OPCML: variants seen among roughly 807,000 people sequenced by gnomAD.
OPCML encodes opioid binding protein/cell adhesion molecule like, also known as opioid-binding protein/cell adhesion molecule.
Under a neutral mutation model 37.8 loss-of-function variants are expected in OPCML, and 13 were observed. The ratio of observed to expected loss-of-function variants is 0.34; its 90% CI spans 0.22 to 0.55. The LOEUF is 0.55. OPCML is among the 20% of genes least tolerant of loss of function. OPCML has a pLI of 0.91. For synonymous variants in OPCML, 176 were observed against 168.8 expected (o/e 1.04, Z -0.33); for missense variants, 341 against 435.6 (o/e 0.78, Z 1.93).
At chr11:133,464,816 G>T (rs1240929566) in intron 1 of OPCML, among the ~76,000 whole-genome samples, 1 of 152,166 alleles carries the variant, frequency 6.6e-6, no homozygotes, top group East Asian at 1.9e-4. Flanking sequence ...GGAGGCTGCT[G>T]GGTCTGAGAG....
At chr11:133,241,329 C>T (rs559960545) in intron 1 of OPCML, among the ~76,000 whole-genome samples, 1 of 152,274 alleles carries the variant, frequency 6.6e-6, no homozygotes, top group East Asian at 1.9e-4. Context: ...GAATTATTCC[C>T]GAAAAATGAA....
chr11:132,477,387 C>G (rs2508986), intron 4 of OPCML, among the ~76,000 whole-genome samples: 79,912 of 152,052 alleles, frequency 0.53, 21,612 homozygotes, highest in East Asian at 0.85. Context: ...CAGACTGAGA[C>G]AGGTAGTAGC....
At chr11:132,685,358 G>C (rs922017501) in intron 2 of OPCML, among the ~76,000 whole-genome samples, 1 of 152,150 alleles carries the variant, frequency 6.6e-6, no homozygotes, top group South Asian at 2.1e-4. Context: ...TTGGCTCCCT[G>C]AGTTCTTTGG....
At chr11:132,977,418 C>T (rs1429473676) in intron 1 of OPCML, among the ~76,000 whole-genome samples, 1 of 152,220 alleles carries the variant, frequency 6.6e-6, no homozygotes, top group African/African-American at 2.4e-5. Flanking sequence ...GAATCTGGAA[C>T]TGGGCCAGCT....
intron 1 of OPCML, among the ~76,000 whole-genome samples, chr11:133,503,458 C>T (rs1947960092): frequency 6.6e-6 from 1 of 152,196 alleles, no homozygotes; most frequent in Non-Finnish European, 1.5e-5. Context: ...CTGTAAACAG[C>T]CAAACGCAGC....
At chr11:133,406,890 G>A (rs1046554535) in intron 1 of OPCML, among the ~76,000 whole-genome samples, 9 of 152,176 alleles carry the variant, frequency 5.9e-5, no homozygotes, top group Non-Finnish European at 1.3e-4. Context: ...AGAGTAGTGT[G>A]GAGGTTAATT....
intron 1 of OPCML, among the ~76,000 whole-genome samples, chr11:133,445,991 G>T (rs1025032130): frequency 2.6e-5 from 4 of 152,088 alleles, no homozygotes; most frequent in African/African-American, 9.7e-5. Context: ...CTAAAAGGGG[G>T]TCAAAAATAT....
intron 1 of OPCML, among the ~76,000 whole-genome samples, chr11:132,998,333 G>A (rs548976495): frequency 6.6e-6 from 1 of 152,314 alleles, no homozygotes; most frequent in African/African-American, 2.4e-5. Flanking sequence ...ATGAGGCAAA[G>A]GGGCACTTTC....
At chr11:132,742,286 G>T (rs1945458088) in intron 2 of OPCML, among the ~76,000 whole-genome samples, 1 of 152,202 alleles carries the variant, frequency 6.6e-6, no homozygotes, top group African/African-American at 2.4e-5. Context: ...AAGCACCAAT[G>T]AGATGGCTTT....
intron 2 of OPCML, among the ~76,000 whole-genome samples, chr11:132,717,569 T>A (rs1363828370): frequency 1.3e-5 from 2 of 152,186 alleles, no homozygotes. Flanking sequence ...TTATTAGAAA[T>A]GTTTGGTTTC....
chr11:132,539,189 T>A (rs2096349101), intron 3 of OPCML, among the ~76,000 whole-genome samples: 1 of 152,196 alleles, frequency 6.6e-6, no homozygotes, highest in East Asian at 1.9e-4. Context: ...AGAATCTATG[T>A]GTGATTTCAC....
intron 4 of OPCML, among the ~76,000 whole-genome samples, chr11:132,444,054 C>A (rs1001422117): frequency 7.9e-5 from 12 of 152,128 alleles, no homozygotes; most frequent in African/African-American, 2.9e-4. Flanking sequence ...TCAAAGTGGA[C>A]CCGAGAGTAT....
At chr11:132,694,066 C>T (rs1299047272) in intron 2 of OPCML, among the ~76,000 whole-genome samples, 1 of 151,606 alleles carries the variant, frequency 6.6e-6, no homozygotes, top group African/African-American at 2.4e-5. Flanking sequence ...TCATGTTCTT[C>T]CTAAAACCTC....
chr11:132,742,797 C>G (rs956484806), intron 2 of OPCML, among the ~76,000 whole-genome samples: 2 of 148,828 alleles, frequency 1.3e-5, no homozygotes, highest in African/African-American at 4.9e-5. Flanking sequence ...ATATAATGTA[C>G]AAGTACTCTA....
At chr11:133,329,834 A>T (rs958326818) in intron 1 of OPCML, among the ~76,000 whole-genome samples, 2 of 152,250 alleles carry the variant, frequency 1.3e-5, no homozygotes, top group African/African-American at 4.8e-5. Flanking sequence ...TAAAATTGAC[A>T]AATGAGATCT....
At position 132,942,990 on chromosome 11, in the gene OPCML, C is replaced by G. The variant is rs1289705153; in HGVS notation, c.82G>C (p.Asp28His). 4.3e-6 allele frequency: 7 copies of G among 1,614,044 alleles called. No homozygotes were observed. Among genetic ancestry groups the G allele is most frequent in the African/African-American group, 1.3e-5 (1 of 74,930 alleles). ...TCCATAGCTTTGGGGAAGGTGGCAT[C>G]TCCGCTGCGCACGGGCACTCCTGTG... is the stretch of plus-strand genomic sequence containing the variant. ...FIPGVPVRSG[D>H]ATFPKAMDNV... The change falls in exon 2 of 8, where the codon GAT becomes CAT. Residue 28 changes from aspartate (D) to histidine (H), a missense_variant. Physicochemically the swap from Asp to His is moderately conservative, Grantham distance 81. Coordinates refer to ENST00000524381, the MANE Select transcript of OPCML (RefSeq NM_001012393.5).
At chr11:133,184,520 G>A (rs1216620982) in intron 1 of OPCML, among the ~76,000 whole-genome samples, 4 of 152,122 alleles carry the variant, frequency 2.6e-5, no homozygotes, top group African/African-American at 4.8e-5. Flanking sequence ...CTTGAGGAGC[G>A]AGGCTGGTCA....
At chr11:133,411,802 A>G (rs75875884) in intron 1 of OPCML, among the ~76,000 whole-genome samples, 10,637 of 152,204 alleles carry the variant, frequency 0.07, 1,068 homozygotes, top group African/African-American at 0.22. Context: ...GTGGTGGAAG[A>G]TCACCTAAGA....
intron 4 of OPCML, among the ~76,000 whole-genome samples, chr11:132,484,282 G>T (rs902663668): frequency 1.3e-5 from 2 of 152,120 alleles, no homozygotes; most frequent in Admixed American, 6.5e-5. Flanking sequence ...CTTCTCAAAA[G>T]AAGACATTTA....
Sources: allele counts gnomAD v4.1 joint callset (sites outside exome capture counted in the v4.1 genomes callset), GRCh38; gene constraint gnomAD v4.1.1; transcripts MANE v1.5; gene names NCBI Gene and HGNC (gene_info 2026-07-23, HGNC 2026-07-21).